ANKFN1: variants seen among roughly 807,000 people sequenced by gnomAD.
ANKFN1 encodes ankyrin repeat and fibronectin type III domain containing 1, also known as ankyrin repeat and fibronectin type-III domain-containing protein 1.
Under a neutral mutation model 108.7 loss-of-function variants are expected in ANKFN1, and 74 were observed. That is an observed-to-expected ratio of 0.68 (90% CI 0.56 to 0.83). The LOEUF (loss-of-function observed/expected upper bound fraction) is 0.83, where lower values mean the gene tolerates loss of function less well. Ranked by LOEUF, ANKFN1 falls within the 40% of genes least tolerant of loss-of-function variation. The pLI is 0.00. For missense variants in ANKFN1, 1,505 were observed against 1,382.3 expected (o/e 1.09, Z -1.41); for synonymous variants, 547 against 516.2 (o/e 1.06, Z -0.81).
chr17:56,415,459 A>G (rs1399221938), intron 8 of ANKFN1, among the ~76,000 whole-genome samples: 1 of 152,220 alleles, frequency 6.6e-6, no homozygotes, highest in Non-Finnish European at 1.5e-5. Context: ...AAGTAACCCC[A>G]TTTATAGCAG....
chr17:56,411,286 A>G (rs1235346334), intron 8 of ANKFN1, among the ~76,000 whole-genome samples: 1 of 152,110 alleles, frequency 6.6e-6, no homozygotes, highest in African/African-American at 2.4e-5. Context: ...TTTCTTTTTC[A>G]GATACTTTGT....
intron 8 of ANKFN1, among the ~76,000 whole-genome samples, chr17:56,416,540 A>G (rs1246020610): frequency 5.9e-5 from 9 of 152,234 alleles, no homozygotes; most frequent in Non-Finnish European, 1.0e-4. Flanking sequence ...GCTTTCATCC[A>G]AAAGATAGGC....
intron 3 of ANKFN1, among the ~76,000 whole-genome samples, chr17:56,266,489 T>C (rs1000440801): frequency 6.6e-6 from 1 of 152,200 alleles, no homozygotes; most frequent in African/African-American, 2.4e-5. Context: ...TGCACATTGG[T>C]GGTTTCCACT....
chr17:56,239,756 A>G (rs1421647757), intron 3 of ANKFN1, among the ~76,000 whole-genome samples: 2 of 152,072 alleles, frequency 1.3e-5, no homozygotes, highest in Admixed American at 1.3e-4. Context: ...AAAAATTCAC[A>G]TGGTTCAAGT....
intron 8 of ANKFN1, among the ~76,000 whole-genome samples, chr17:56,410,695 A>G (rs577160901): frequency 6.6e-5 from 10 of 152,088 alleles, no homozygotes; most frequent in African/African-American, 2.4e-4. Flanking sequence ...CCATCTCTCC[A>G]TCTCCAGCCC....
chr17:56,101,311 T>C (rs1013588856), intron 4 of ANKFN1, among the ~76,000 whole-genome samples: 3 of 152,214 alleles, frequency 2.0e-5, no homozygotes, highest in African/African-American at 7.2e-5. Flanking sequence ...CTTTACCATA[T>C]AGGAAACAAA....
Position 56,457,280 on chromosome 17 carries a change from T to C in ANKFN1, c.1331T>C (p.Phe444Ser). Residue 444 changes from phenylalanine (F) to serine (S), a missense_variant, in exon 13 of 21, where the codon TTT becomes TCT. By Grantham distance (155) the Phe-to-Ser change is radical. Transcript: ENST00000682825. The stretch of plus-strand genomic sequence containing the variant: ...AGGGGACTCTACATAGCCGTTATAT[T>C]TTATTACAAAGACAATATCTTAGTC... ...LKRGLYIAVI[F>S]YYKDNILVTN... 1 of 1,595,898 alleles carries C rather than the reference T, an allele frequency of 6.3e-7. No homozygotes were observed. Among genetic ancestry groups the C allele is most frequent in the Non-Finnish European group, 8.5e-7 (1 of 1,170,466 alleles).
intron 2 of ANKFN1, among the ~76,000 whole-genome samples, chr17:56,220,586 G>A (rs1248014588): frequency 1.3e-5 from 2 of 151,960 alleles, no homozygotes; most frequent in East Asian, 3.9e-4. Context: ...CCTAGACCAG[G>A]GAGGTTGAGG....
Position 56,419,050 on chromosome 17 carries a change from A to G in ANKFN1, c.911-21277A>G, listed in dbSNP as rs551638909. On this transcript the variant is annotated intron_variant, in intron 8 of 20. Transcript: ENST00000682825. ...TACTGGTTCACACCTCAGCCCTTAGATGTCTGCATTTTTAACTGAGTTGAC... is the reference window on the plus strand; with the variant it reads ...TACTGGTTCACACCTCAGCCCTTAGGTGTCTGCATTTTTAACTGAGTTGAC... 3.9e-5 allele frequency among the ~76,000 whole-genome samples: 6 copies of G among 152,246 alleles called. 1 individual carries two copies. The South Asian group carries it at 1.0e-3, about 26-fold the overall frequency.
intron 6 of ANKFN1, among the ~76,000 whole-genome samples, chr17:56,364,074 A>G (rs934563666): frequency 6.6e-6 from 1 of 152,170 alleles, no homozygotes; most frequent in Non-Finnish European, 1.5e-5. Context: ...TAAAAGAGTA[A>G]ATTCCAAATG....
At chr17:56,138,978 A>G (rs1455390488) in intron 4 of ANKFN1, among the ~76,000 whole-genome samples, 1 of 152,218 alleles carries the variant, frequency 6.6e-6, no homozygotes, top group Non-Finnish European at 1.5e-5. Flanking sequence ...TCTAAAATAA[A>G]TATACACATG....
At chr17:56,304,725 C>CT (rs1225229209) in intron 3 of ANKFN1, among the ~76,000 whole-genome samples, 5 of 152,018 alleles carry the variant, frequency 3.3e-5, no homozygotes, top group Admixed American at 2.0e-4. Context: ...TTGCATTCCC[C>CT]TAATGGCTAA....
intron 8 of ANKFN1, among the ~76,000 whole-genome samples, chr17:56,391,771 T>C (rs1024093924): frequency 1.3e-5 from 2 of 152,128 alleles, no homozygotes; most frequent in Non-Finnish European, 2.9e-5. Context: ...TTAATGTTCA[T>C]GTAGGCTGAG....
intron 1 of ANKFN1, among the ~76,000 whole-genome samples, chr17:56,192,395 A>G (rs1225272702): frequency 2.4e-5 from 1 of 40,956 alleles, no homozygotes; most frequent in Non-Finnish European, 4.8e-5. Context: ...GCCAAAATTG[A>G]CAAATGGGAT....
chr17:56,345,965 T>A (rs2046088970), intron 4 of ANKFN1, among the ~76,000 whole-genome samples: 1 of 152,170 alleles, frequency 6.6e-6, no homozygotes, highest in African/African-American at 2.4e-5. Flanking sequence ...TCTTTGCCCA[T>A]GCCTATGTCC....
At chr17:56,332,237 A>G (rs1460948986) in intron 4 of ANKFN1, among the ~76,000 whole-genome samples, 1 of 152,156 alleles carries the variant, frequency 6.6e-6, no homozygotes, top group Non-Finnish European at 1.5e-5. Flanking sequence ...AGACAGGATG[A>G]TGGCGGCAAT....
rs1356744253 is a variant in ANKFN1, at chr17:56,372,809, C to T, written c.765C>T (p.Tyr255=). 3.1e-6 allele frequency: 5 copies of T among 1,613,762 alleles called. No individual in the cohort carries two copies. Among genetic ancestry groups the T allele is most frequent in the South Asian group, 2.2e-5 (2 of 91,064 alleles). ...CTTGGGAGTGGAGGTATCGGCTCTA[C>T]AGACGCATGAAAACAGGCTTTGAGC... ...LKAWEWRYRL[Y]RRMKTGFEHA... Residue 255 remains tyrosine, a synonymous_variant, in exon 7 of 21, where the codon TAC becomes TAT. Coordinates refer to ENST00000682825, the MANE Select transcript of ANKFN1 (RefSeq NM_001370326.1).
At chr17:56,365,919 CCTT>C (rs1555637249) in intron 6 of ANKFN1, among the ~76,000 whole-genome samples, 4 of 152,176 alleles carry the variant, frequency 2.6e-5, no homozygotes, top group Non-Finnish European at 4.4e-5. Flanking sequence ...AGACTGCACT[CCTT>C]CTAATTATTT....
intron 3 of ANKFN1, among the ~76,000 whole-genome samples, chr17:56,256,471 T>C (rs2043359868): frequency 6.6e-6 from 1 of 152,144 alleles, no homozygotes; most frequent in South Asian, 2.1e-4. Flanking sequence ...TTGTGAAACC[T>C]GGAGTAAAGA....
Sources: allele counts gnomAD v4.1 joint callset (sites outside exome capture counted in the v4.1 genomes callset), GRCh38; gene constraint gnomAD v4.1.1; transcripts MANE v1.5; gene names NCBI Gene and HGNC (gene_info 2026-07-23, HGNC 2026-07-21).